PDE10A: variants seen among roughly 807,000 people sequenced by gnomAD.
PDE10A encodes the protein phosphodiesterase 10A, also known as cAMP and cAMP-inhibited cGMP 3',5'-cyclic phosphodiesterase 10A.
PDE10A carries 39 observed loss-of-function variants against 97.7 expected under a neutral mutation model. The observed-to-expected ratio is 0.40, with a 90% CI of 0.31 to 0.52. The LOEUF is 0.52. Among genes scored for constraint, PDE10A ranks in the 20% least tolerant of loss-of-function variants. The probability of loss-of-function intolerance (pLI) is 0.56; values close to 1 mark genes in which losing one functional copy is unlikely to be tolerated. For missense variants in PDE10A, 731 were observed against 1,047.8 expected, an observed-to-expected ratio of 0.70 and a Z score of 4.17; for synonymous variants, 371 against 376.8, an observed-to-expected ratio of 0.98 and a Z score of 0.18.
At chr6:165,882,223 G>A (rs1311535002) in intron 1 of PDE10A, among the ~76,000 whole-genome samples, 1 of 152,202 alleles carries the variant, frequency 6.6e-6, no homozygotes, top group East Asian at 1.9e-4. Context: ...CATCTCTCAT[G>A]GAACTTCTTC....
At chr6:165,668,624 C>T (rs764911631) in intron 1 of PDE10A, among the ~76,000 whole-genome samples, 1 of 150,424 alleles carries the variant, frequency 6.6e-6, no homozygotes, top group Non-Finnish European at 1.5e-5. Context: ...CTCATTTAAT[C>T]CAGGGACTTG....
chr6:165,573,197 G>A (rs670768), intron 1 of PDE10A, among the ~76,000 whole-genome samples: 130,495 of 151,894 alleles, frequency 0.86, 57,932 homozygotes, highest in East Asian at 1. Context: ...ATAGTTAAAC[G>A]ACATTTTATA....
At chr6:165,540,522 T>C (rs1325358658) in intron 2 of PDE10A, among the ~76,000 whole-genome samples, 4 of 152,192 alleles carry the variant, frequency 2.6e-5, no homozygotes, top group African/African-American at 9.7e-5. Context: ...TGTTCCTGGT[T>C]CCACTCATGG....
chr6:165,457,607 T>C (rs1466373380), intron 3 of PDE10A, among the ~76,000 whole-genome samples: 1 of 152,176 alleles, frequency 6.6e-6, no homozygotes, highest in Non-Finnish European at 1.5e-5. Flanking sequence ...CTGTCCAACA[T>C]ATGCCACTGT....
chr6:165,378,865 T>C (rs953022063), intron 18 of PDE10A, among the ~76,000 whole-genome samples: 1 of 152,198 alleles, frequency 6.6e-6, no homozygotes, highest in African/African-American at 2.4e-5. Context: ...CTGAGGCCAA[T>C]GGCCAGACCC....
intron 1 of PDE10A, among the ~76,000 whole-genome samples, chr6:165,591,931 A>C (rs1378300425): frequency 2.0e-5 from 3 of 152,234 alleles, no homozygotes; most frequent in Non-Finnish European, 4.4e-5. Context: ...CAAAAATGCT[A>C]TAGTAGCATA....
At chr6:165,940,111 G>A (rs1485147775) in intron 1 of PDE10A, 1 of 152,208 alleles carries the variant, frequency 6.6e-6, no homozygotes, top group Non-Finnish European at 1.5e-5. Flanking sequence ...CCCCAAAACT[G>A]AGCACATAAG....
At chr6:165,629,922 G>A (rs1271829612) in intron 1 of PDE10A, among the ~76,000 whole-genome samples, 1 of 151,988 alleles carries the variant, frequency 6.6e-6, no homozygotes, top group Non-Finnish European at 1.5e-5. Context: ...AGTCAGCTGA[G>A]GAGTAGCAAT....
At chr6:165,744,416 A>G (rs561741633) in intron 1 of PDE10A, among the ~76,000 whole-genome samples, 1 of 152,202 alleles carries the variant, frequency 6.6e-6, no homozygotes, top group African/African-American at 2.4e-5. Context: ...TTTGTATTAT[A>G]CCTTTCATGT....
chr6:165,978,522 C>T (rs926185768), intron 1 of PDE10A, among the ~76,000 whole-genome samples: 1 of 152,168 alleles, frequency 6.6e-6, no homozygotes, highest in Non-Finnish European at 1.5e-5. Context: ...CACAGTGCCA[C>T]CTATGTGGTA....
chr6:165,427,632 A>C (rs1412820066), intron 10 of PDE10A, among the ~76,000 whole-genome samples: 2 of 152,186 alleles, frequency 1.3e-5, no homozygotes, highest in Non-Finnish European at 2.9e-5. Context: ...TAAATGGATG[A>C]ACTGTATAGT....
Position 165,433,790 on chromosome 6 carries a change from C to T in PDE10A, c.1336-661G>A, listed in dbSNP as rs186166138. Among the ~76,000 whole-genome samples the T allele has an allele frequency of 2.4e-3, 363 of 151,856 alleles. 2 individuals carry two copies. The highest frequency in any genetic ancestry group is 8.2e-3 in the African/African-American group (339 of 41,384). On this transcript the variant is annotated intron_variant, in intron 6 of 21. Coordinates refer to ENST00000539869, the MANE Select transcript of PDE10A (RefSeq NM_001385079.1). ...CAGCACTTTGGGAGGCCGAGGTGGG[C>T]GGATCACGAGGTCAGGAGATCGAGA...
At chr6:165,751,342 C>A (rs375871302) in intron 1 of PDE10A, among the ~76,000 whole-genome samples, 60 of 152,322 alleles carry the variant, frequency 3.9e-4, no homozygotes, top group Non-Finnish European at 6.6e-4. Flanking sequence ...GCTTCCCTGG[C>A]CCCTGCCTCC....
chr6:165,677,890 A>T (rs1205843835), intron 1 of PDE10A, among the ~76,000 whole-genome samples: 1 of 151,846 alleles, frequency 6.6e-6, no homozygotes, highest in African/African-American at 2.4e-5. Context: ...GTGTATATGC[A>T]TGGGTATATA....
At chr6:165,467,909 T>C (rs553055240) in intron 3 of PDE10A, among the ~76,000 whole-genome samples, 20 of 152,332 alleles carry the variant, frequency 1.3e-4, no homozygotes, top group African/African-American at 4.8e-4. Context: ...ACTTTATTTT[T>C]GCCTTATTTT....
At chr6:165,890,923 C>T (rs530358514) in intron 1 of PDE10A, among the ~76,000 whole-genome samples, 3 of 152,358 alleles carry the variant, frequency 2.0e-5, no homozygotes, top group African/African-American at 7.2e-5. Flanking sequence ...TAGGTTTTCT[C>T]ATTATCCCCT....
chr6:165,988,022 G>C, upstream of PDE10A: 1 of 429,090 alleles, frequency 2.3e-6, no homozygotes, highest in South Asian at 1.7e-5. Context: ...ATTTGGGGGT[G>C]CTTGTGCTCT....
At chr6:165,402,338 T>C (rs1786733838) in intron 13 of PDE10A, among the ~76,000 whole-genome samples, 1 of 152,038 alleles carries the variant, frequency 6.6e-6, no homozygotes, top group Non-Finnish European at 1.5e-5. Flanking sequence ...AATTACAAAA[T>C]AAAATTAATT....
intron 1 of PDE10A, among the ~76,000 whole-genome samples, chr6:165,959,675 G>A (rs1261588133): frequency 6.6e-6 from 1 of 152,282 alleles, no homozygotes; most frequent in Admixed American, 6.5e-5. Flanking sequence ...GGTGAGAGAA[G>A]ACTTGAGCCT....
Sources: gnomAD v4.1 joint callset for allele counts (sites outside exome capture counted in the v4.1 genomes callset) on GRCh38, gnomAD v4.1.1 for gene constraint, MANE v1.5 for transcripts, NCBI Gene and HGNC (gene_info 2026-07-23, HGNC 2026-07-21) for gene names.